Variants in ENTREP2 observed in about 807,000 individuals in gnomAD.
ENTREP2 encodes protein ENTREP2.
At chr15:29,269,670 G>T in the ENTREP2 span, 1 of 1,558,694 alleles carries the variant, frequency 6.4e-7, no homozygotes, top group Non-Finnish European at 8.6e-7. Context: ...CGGCCTGGCC[G>T]CCAGAGCGGC....
At chr15:29,297,683 G>A in the ENTREP2 span, among the ~76,000 whole-genome samples, 2 of 152,176 alleles carry the variant, frequency 1.3e-5, no homozygotes, top group African/African-American at 4.8e-5. Context: ...AAGAACTGGA[G>A]TCTGATCAGG....
At chr15:29,577,596 C>T in the ENTREP2 span, among the ~76,000 whole-genome samples, 1 of 152,090 alleles carries the variant, frequency 6.6e-6, no homozygotes, top group Non-Finnish European at 1.5e-5. Flanking sequence ...TCAAGCAATC[C>T]ACCTGTCTTG....
chr15:29,656,696 C>T, the ENTREP2 span, among the ~76,000 whole-genome samples: 1 of 152,164 alleles, frequency 6.6e-6, no homozygotes, highest in Middle Eastern at 3.2e-3. Context: ...CCTGACACCA[C>T]CAAATGCTCG....
At chr15:29,356,673 G>A in the ENTREP2 span, among the ~76,000 whole-genome samples, 1 of 152,014 alleles carries the variant, frequency 6.6e-6, no homozygotes, top group Non-Finnish European at 1.5e-5. Flanking sequence ...AAGTGCATGA[G>A]AAGATATGCA....
the ENTREP2 span, among the ~76,000 whole-genome samples, chr15:29,556,770 C>T: frequency 6.9e-6 from 1 of 144,424 alleles, no homozygotes; most frequent in African/African-American, 2.6e-5. Flanking sequence ...GTGCCCCCCC[C>T]CCGCCCCACA....
At chr15:29,213,731 G>T in the ENTREP2 span, among the ~76,000 whole-genome samples, 1 of 152,126 alleles carries the variant, frequency 6.6e-6, no homozygotes, top group Non-Finnish European at 1.5e-5. Context: ...CACAGCAAAA[G>T]AAACTACCAT....
chr15:29,441,126 T>C, the ENTREP2 span, among the ~76,000 whole-genome samples: 325 of 152,326 alleles, frequency 2.1e-3, no homozygotes, highest in Non-Finnish European at 2.7e-3. Context: ...TGGAGTGTTA[T>C]TCAGCCTTGA....
At chr15:29,602,046 G>A in the ENTREP2 span, among the ~76,000 whole-genome samples, 3 of 152,172 alleles carry the variant, frequency 2.0e-5, no homozygotes, top group African/African-American at 7.2e-5. Context: ...AATTTGAACC[G>A]TGTTGTTGGA....
At chr15:29,374,237 T>C in the ENTREP2 span, 1 of 152,156 alleles carries the variant, frequency 6.6e-6, no homozygotes, top group South Asian at 2.1e-4. Context: ...TTATTCTTTG[T>C]TTCGTTTCGG....
At chr15:29,117,737 C>CTAT in the ENTREP2 span, 4,797 of 154,340 alleles carry the variant, frequency 0.031, 266 homozygotes, top group African/African-American at 0.11. Context: ...TATTTAGATG[C>CTAT]TATTATTACT....
the ENTREP2 span, among the ~76,000 whole-genome samples, chr15:29,325,221 C>A: frequency 2.0e-5 from 3 of 151,934 alleles, no homozygotes; most frequent in South Asian, 6.2e-4. Flanking sequence ...ATGCCTATAA[C>A]AGAAAAGAAG....
At chr15:29,427,821 G>A in the ENTREP2 span, among the ~76,000 whole-genome samples, 14 of 152,232 alleles carry the variant, frequency 9.2e-5, no homozygotes, top group East Asian at 9.7e-4. Context: ...TTGGGGGTAC[G>A]AGTCTCCCTA....
chr15:29,293,646 G>T, the ENTREP2 span, among the ~76,000 whole-genome samples: 1 of 152,332 alleles, frequency 6.6e-6, no homozygotes, highest in East Asian at 1.9e-4. Flanking sequence ...GGTGTGAGCT[G>T]CTGTGGGCAT....
the ENTREP2 span, among the ~76,000 whole-genome samples, chr15:29,422,559 T>C: frequency 6.6e-6 from 1 of 152,228 alleles, no homozygotes; most frequent in African/African-American, 2.4e-5. Context: ...ACAAGACAAC[T>C]ATCCCAGTGG....
chr15:29,489,183 C>G, the ENTREP2 span, among the ~76,000 whole-genome samples: 17 of 152,086 alleles, frequency 1.1e-4, no homozygotes, highest in Non-Finnish European at 7.4e-5. Flanking sequence ...GATCAAAGTT[C>G]TGAATCACAG....
At chr15:29,502,260 G>C in the ENTREP2 span, among the ~76,000 whole-genome samples, 1 of 151,882 alleles carries the variant, frequency 6.6e-6, no homozygotes, top group East Asian at 1.9e-4. Flanking sequence ...TGTGATACTG[G>C]TATAAGACAG....
the ENTREP2 span, among the ~76,000 whole-genome samples, chr15:29,458,205 G>GA: frequency 6.6e-6 from 1 of 152,102 alleles, no homozygotes; most frequent in Non-Finnish European, 1.5e-5. Flanking sequence ...GAAGGCAGGA[G>GA]AAAATGAATG....
the ENTREP2 span, among the ~76,000 whole-genome samples, chr15:29,332,456 C>A: frequency 6.6e-6 from 1 of 152,008 alleles, no homozygotes; most frequent in Non-Finnish European, 1.5e-5. Context: ...AATAAATTCT[C>A]ATTTCGCTAA....
the ENTREP2 span, among the ~76,000 whole-genome samples, chr15:29,281,151 G>C: frequency 6.6e-6 from 1 of 152,144 alleles, no homozygotes; most frequent in Non-Finnish European, 1.5e-5. Flanking sequence ...ATTTCACATA[G>C]TAATATGAAT....
Sources: gnomAD v4.1 joint callset for allele counts (sites outside exome capture counted in the v4.1 genomes callset) on GRCh38, gnomAD v4.1.1 for gene constraint, MANE v1.5 for transcripts, NCBI Gene and HGNC (gene_info 2026-07-23, HGNC 2026-07-21) for gene names.